The following B3GAT2 variants were observed in gnomAD, a reference collection of about 807,000 sequenced individuals.
B3GAT2 encodes the protein galactosylgalactosylxylosylprotein 3-beta-glucuronosyltransferase 2.
Under a neutral mutation model 27.8 loss-of-function variants are expected in B3GAT2, and 26 were observed. The ratio of observed to expected loss-of-function variants is 0.93; its 90% CI spans 0.68 to 1.30. B3GAT2 has a LOEUF of 1.30. Ranked by LOEUF, B3GAT2 falls within the 50% of genes most tolerant of loss-of-function variation. B3GAT2 has a pLI of 0.00. For missense variants in B3GAT2, 458 were observed against 459.0 expected, an observed-to-expected ratio of 1.00 and a Z score of 0.02; for synonymous variants, 218 against 195.1, an observed-to-expected ratio of 1.12 and a Z score of -0.98.
In B3GAT2 at chr6:70,920,381, G is replaced by A. The variant is rs116436264; in HGVS notation, c.592-26109C>T. 5.3e-3 allele frequency among the ~76,000 whole-genome samples: 810 copies of A among 152,302 alleles called. 11 individuals carry two copies. Among genetic ancestry groups the A allele is most frequent in the African/African-American group, 0.018 (740 of 41,554 alleles). ...ATCCCCTGACCCCTTGCACTTCCTC[G>A]GTGAGGGATGCCCCGCCCTGCTTCG... On this transcript the variant is annotated intron_variant, in intron 1 of 3. Transcript: ENST00000230053.
chr6:70,937,078 C>A lies in B3GAT2; in HGVS notation c.591+18761G>T, dbSNP rs566347717. Among the ~76,000 whole-genome samples, 7 of 152,076 alleles carry A rather than the reference C, an allele frequency of 4.6e-5. No homozygotes were observed. The East Asian group carries it at 1.4e-3, about 29-fold the overall frequency. ...AAAATGATAAAGGGGATATCACCAC[C>A]GATCCCACAGAAATAGAAACTACCA... On this transcript the variant is annotated intron_variant, in intron 1 of 3. Transcript: ENST00000230053.
chr6:70,885,059 C>T (rs35477804), intron 2 of B3GAT2, among the ~76,000 whole-genome samples: 26,188 of 152,220 alleles, frequency 0.17, 2,830 homozygotes, highest in East Asian at 0.32. Flanking sequence ...TAACTATTTA[C>T]ATGAGTAAAA....
At chr6:70,909,321 C>T (rs897061337) in intron 1 of B3GAT2, among the ~76,000 whole-genome samples, 1 of 152,122 alleles carries the variant, frequency 6.6e-6, no homozygotes, top group East Asian at 1.9e-4. Flanking sequence ...TGACAAGACA[C>T]ATTTTAATAA....
At chr6:70,882,039 A>G (rs1485809890) in intron 2 of B3GAT2, among the ~76,000 whole-genome samples, 3 of 152,150 alleles carry the variant, frequency 2.0e-5, no homozygotes, top group African/African-American at 7.2e-5. Context: ...TCTGCCCCCA[A>G]CCCTCAACCA....
intron 2 of B3GAT2, among the ~76,000 whole-genome samples, chr6:70,878,870 C>T (rs1236620095): frequency 6.6e-6 from 1 of 152,058 alleles, no homozygotes; most frequent in Non-Finnish European, 1.5e-5. Flanking sequence ...TCTGCCCCCC[C>T]TCCCCCTTAC....
At chr6:70,862,495 A>T (rs1233345007) in intron 2 of B3GAT2, among the ~76,000 whole-genome samples, 3 of 152,208 alleles carry the variant, frequency 2.0e-5, no homozygotes, top group Non-Finnish European at 2.9e-5. Context: ...TTAGCTGGAA[A>T]ATGAATCATA....
intron 1 of B3GAT2, among the ~76,000 whole-genome samples, chr6:70,954,480 T>A (rs1582405509): frequency 6.6e-6 from 1 of 152,180 alleles, no homozygotes; most frequent in Non-Finnish European, 1.5e-5. Context: ...AAAATTTTTT[T>A]AAAGCCACAC....
intron 2 of B3GAT2, among the ~76,000 whole-genome samples, chr6:70,864,102 A>C (rs1197666243): frequency 1.5e-5 from 2 of 133,208 alleles, no homozygotes; most frequent in Non-Finnish European, 3.1e-5. Context: ...ATGAGAGCCT[A>C]CCCTTCTCAG....
intron 2 of B3GAT2, among the ~76,000 whole-genome samples, chr6:70,884,079 GGATCA>G (rs1456299007): frequency 3.5e-5 from 5 of 141,980 alleles, no homozygotes; most frequent in Admixed American, 1.4e-4. Context: ...GTGCACTTCG[GGATCA>G]CCTCAAGACT....
chr6:70,909,265 CAG>C (rs933447639), intron 1 of B3GAT2, among the ~76,000 whole-genome samples: 111 of 152,150 alleles, frequency 7.3e-4, no homozygotes, highest in African/African-American at 2.6e-3. Context: ...AAAAGAGTAT[CAG>C]GAAAACAAAA....
intron 2 of B3GAT2, among the ~76,000 whole-genome samples, chr6:70,871,273 G>A (rs2150023749): frequency 7.4e-6 from 1 of 134,886 alleles, no homozygotes; most frequent in South Asian, 2.4e-4. Flanking sequence ...GGGTAACATT[G>A]GCTTGGTAGA....
At chr6:70,920,710 G>A (rs755156849) in intron 1 of B3GAT2, among the ~76,000 whole-genome samples, 3 of 152,258 alleles carry the variant, frequency 2.0e-5, no homozygotes, top group Non-Finnish European at 4.4e-5. Flanking sequence ...ACTTGATAGC[G>A]TAATTGCTTT....
intron 1 of B3GAT2, among the ~76,000 whole-genome samples, chr6:70,916,636 T>A (rs1482176005): frequency 1.3e-5 from 2 of 152,350 alleles, no homozygotes; most frequent in African/African-American, 4.8e-5. Flanking sequence ...AGGCCTTTGC[T>A]GCATGTATTG....
At chr6:70,952,479 T>C (rs1402247102) in intron 1 of B3GAT2, among the ~76,000 whole-genome samples, 1 of 151,898 alleles carries the variant, frequency 6.6e-6, no homozygotes, top group African/African-American at 2.4e-5. Flanking sequence ...ATCTGATCAA[T>C]AGTGTTATTG....
chr6:70,877,098 CAA>C (rs1772026534), intron 2 of B3GAT2, among the ~76,000 whole-genome samples: 1 of 152,168 alleles, frequency 6.6e-6, no homozygotes, highest in South Asian at 2.1e-4. Context: ...AGATTGTAAT[CAA>C]AAGTCAATTT....
Position 70,956,240 on chromosome 6 carries a change from G to A in B3GAT2, c.190C>T (p.Gln64Ter), listed in dbSNP as rs781346844. 3.1e-6 allele frequency: 5 copies of A among 1,612,234 alleles called. No individual in the cohort carries two copies. The highest frequency in any genetic ancestry group is 4.2e-6 in the Non-Finnish European group (5 of 1,179,062). The change falls in exon 1 of 4, where the codon CAA becomes TAA. Residue 64 changes from glutamine (Q) to a stop codon, truncating the protein, a stop_gained. Coordinates refer to ENST00000230053, the MANE Select transcript of B3GAT2 (RefSeq NM_080742.3). LOFTEE classifies it high-confidence loss of function. The stretch of plus-strand genomic sequence containing the variant: ...TGCGGCCGAGACTGGTTGCGCTTTT[G>A]GGTCCCGTGAGCCGGGCCGCCCCTG... ...LRRGGPAHGT[Q>*]KRNQSRPQPQ... is the part of the protein sequence containing the mutation.
At chr6:70,928,955 C>A (rs1220161331) in intron 1 of B3GAT2, among the ~76,000 whole-genome samples, 1 of 152,244 alleles carries the variant, frequency 6.6e-6, no homozygotes, top group East Asian at 1.9e-4. Context: ...GACTTGGAAC[C>A]AAACCAAATG....
In B3GAT2 at chr6:70,861,607, A is replaced by G; in HGVS notation, c.*56T>C. ...ATGCTCTGTAGCCTAAACTCCAAACATCCTCTTCCATATGGATCCACTGGC... is the reference window on the plus strand; with the variant it reads ...ATGCTCTGTAGCCTAAACTCCAAACGTCCTCTTCCATATGGATCCACTGGC... On this transcript the variant is annotated 3_prime_UTR_variant, in exon 4 of 4. Coordinates refer to ENST00000230053, the MANE Select transcript of B3GAT2 (RefSeq NM_080742.3). 6.6e-7 allele frequency: 1 copy of G among 1,512,812 alleles called. No homozygotes were observed. Among genetic ancestry groups the G allele is most frequent in the African/African-American group, 1.4e-5 (1 of 72,920 alleles). 93.7% of individuals were successfully genotyped at this position (1,512,812 alleles called of 1,614,324 possible).
intron 2 of B3GAT2, among the ~76,000 whole-genome samples, chr6:70,880,654 A>C (rs1477133395): frequency 1.4e-5 from 2 of 141,800 alleles, no homozygotes; most frequent in Admixed American, 1.4e-4. Flanking sequence ...CAGCTGGCTA[A>C]TTTTTTTTTT....
Sources: gnomAD v4.1 joint callset for allele counts (sites outside exome capture counted in the v4.1 genomes callset) on GRCh38, gnomAD v4.1.1 for gene constraint, MANE v1.5 for transcripts, NCBI Gene and HGNC (gene_info 2026-07-23, HGNC 2026-07-21) for gene names.